The following ELMO1 variants were observed in gnomAD, a reference collection of about 807,000 sequenced individuals.
ELMO1 encodes the protein engulfment and cell motility protein 1.
A neutral mutation model predicts 98.9 loss-of-function variants in ELMO1; 26 were observed. The ratio of observed to expected loss-of-function variants is 0.26; its 90% CI spans 0.19 to 0.36. ELMO1 has a LOEUF of 0.36. Among genes scored for constraint, ELMO1 ranks in the 10% least tolerant of loss-of-function variants. The probability of loss-of-function intolerance (pLI) is 1.00; values close to 1 mark genes in which losing one functional copy is unlikely to be tolerated. For synonymous variants in ELMO1, 346 were observed against 346.0 expected, an observed-to-expected ratio of 1.00 and a Z score of 0.00; for missense variants, 627 against 935.2, an observed-to-expected ratio of 0.67 and a Z score of 4.30.
At chr7:37,192,921 T>C (rs1791698440) in intron 13 of ELMO1, among the ~76,000 whole-genome samples, 1 of 131,660 alleles carries the variant, frequency 7.6e-6, no homozygotes, top group African/African-American at 3.0e-5. Context: ...TTTTATATAT[T>C]ATATATAATT....
intron 1 of ELMO1, among the ~76,000 whole-genome samples, chr7:37,366,295 T>C (rs572596560): frequency 6.6e-6 from 1 of 152,220 alleles, no homozygotes; most frequent in Non-Finnish European, 1.5e-5. Context: ...ATAAAAATTA[T>C]TATTAATAAT....
intron 2 of ELMO1, among the ~76,000 whole-genome samples, chr7:37,328,162 C>T (rs1799915602): frequency 6.6e-6 from 1 of 152,084 alleles, no homozygotes; most frequent in South Asian, 2.1e-4. Context: ...GTGCGCAGAT[C>T]ACTTGAGCTC....
chr7:36,975,690 T>C (rs925222601), intron 16 of ELMO1, among the ~76,000 whole-genome samples: 8 of 150,912 alleles, frequency 5.3e-5, no homozygotes, highest in African/African-American at 1.2e-4. Context: ...CTACTAAAAA[T>C]AGAAAAATTA....
At chr7:37,150,435 T>C (rs1289825739) in intron 13 of ELMO1, among the ~76,000 whole-genome samples, 2 of 87,236 alleles carry the variant, frequency 2.3e-5, no homozygotes, top group East Asian at 3.0e-4. Context: ...ACTTAACTAC[T>C]ACACTAAAAA....
At chr7:37,166,404 T>C (rs2129685922) in intron 13 of ELMO1, among the ~76,000 whole-genome samples, 1 of 152,254 alleles carries the variant, frequency 6.6e-6, no homozygotes, top group Middle Eastern at 3.4e-3. Context: ...TGCTCTTGCT[T>C]TTCTAGTTCT....
chr7:37,320,560 G>A (rs10224358), intron 2 of ELMO1, among the ~76,000 whole-genome samples: 4,205 of 152,180 alleles, frequency 0.028, 84 homozygotes, highest in Non-Finnish European at 0.042. Context: ...CTAATCAGAT[G>A]CCCCCTTATC....
At chr7:37,310,662 C>T (rs530191655) in intron 4 of ELMO1, among the ~76,000 whole-genome samples, 1 of 152,328 alleles carries the variant, frequency 6.6e-6, no homozygotes, top group South Asian at 2.1e-4. Flanking sequence ...ATTAGGATCA[C>T]TGGCTTGATG....
At chr7:37,232,870 C>A (rs914317712) in intron 8 of ELMO1, among the ~76,000 whole-genome samples, 9 of 152,190 alleles carry the variant, frequency 5.9e-5, no homozygotes, top group African/African-American at 2.2e-4. Flanking sequence ...CTTATCTGGT[C>A]TGAGCTATGG....
chr7:36,876,061 G>A (rs1442960594), intron 19 of ELMO1, among the ~76,000 whole-genome samples: 1 of 152,042 alleles, frequency 6.6e-6, no homozygotes, highest in Non-Finnish European at 1.5e-5. Context: ...TGGGGCTGTG[G>A]GGGACCTCCT....
intron 7 of ELMO1, among the ~76,000 whole-genome samples, chr7:37,241,989 T>C (rs1794788289): frequency 6.6e-6 from 1 of 152,320 alleles, no homozygotes; most frequent in African/African-American, 2.4e-5. Flanking sequence ...ATCTATCTAC[T>C]ATCATGTCTC....
At chr7:37,339,387 C>A (rs1800597066) in intron 2 of ELMO1, among the ~76,000 whole-genome samples, 1 of 152,230 alleles carries the variant, frequency 6.6e-6, no homozygotes, top group South Asian at 2.1e-4. Flanking sequence ...AGTGGAGGGG[C>A]ACCCAAAATT....
intron 4 of ELMO1, among the ~76,000 whole-genome samples, chr7:37,294,150 A>T (rs1351140556): frequency 6.6e-6 from 1 of 152,218 alleles, no homozygotes; most frequent in Non-Finnish European, 1.5e-5. Context: ...TCACACTGCA[A>T]GAAGATCTTG....
At chr7:37,078,186 T>G (rs898961697) in intron 15 of ELMO1, among the ~76,000 whole-genome samples, 2 of 152,160 alleles carry the variant, frequency 1.3e-5, no homozygotes, top group African/African-American at 4.8e-5. Flanking sequence ...CACGATTATA[T>G]TCATCTTTAT....
chr7:37,321,290 A>G (rs1799475986), intron 2 of ELMO1, among the ~76,000 whole-genome samples: 2 of 152,102 alleles, frequency 1.3e-5, no homozygotes, highest in South Asian at 4.1e-4. Context: ...TTTAGTTAAC[A>G]TTTGCCCAAA....
intron 1 of ELMO1, among the ~76,000 whole-genome samples, chr7:37,357,687 C>A (rs1160967066): frequency 6.6e-6 from 1 of 152,170 alleles, no homozygotes; most frequent in African/African-American, 2.4e-5. Flanking sequence ...GAGGCTCTGC[C>A]AAAACTCCCT....
chr7:37,125,658 A>G (rs1786456494), intron 14 of ELMO1, among the ~76,000 whole-genome samples: 1 of 152,212 alleles, frequency 6.6e-6, no homozygotes, highest in Non-Finnish European at 1.5e-5. Flanking sequence ...CAAGTGCTGG[A>G]GAGGATGTGG....
chr7:37,228,979 G>A lies in ELMO1; in HGVS notation c.550-3949C>T, dbSNP rs147264671. 5.4e-3 allele frequency among the ~76,000 whole-genome samples: 816 copies of A among 152,212 alleles called. 6 individuals carry two copies. The highest frequency in any genetic ancestry group is 9.2e-3 in the Non-Finnish European group (624 of 67,998). On this transcript the variant is annotated intron_variant, in intron 8 of 21. Coordinates refer to ENST00000310758, the MANE Select transcript of ELMO1 (RefSeq NM_014800.11). ...TGCACTCCAGCCTGGGTGACGGAGC[G>A]AGACTCTGTCTCAAAAACAAAACAA... is the stretch of plus-strand genomic sequence containing the variant.
At chr7:36,864,206 A>C (rs1040130012) in intron 20 of ELMO1, among the ~76,000 whole-genome samples, 1 of 152,220 alleles carries the variant, frequency 6.6e-6, no homozygotes, top group Non-Finnish European at 1.5e-5. Flanking sequence ...AGGGTGCTGA[A>C]GTCACTTGAG....
intron 19 of ELMO1, among the ~76,000 whole-genome samples, chr7:36,873,609 T>C (rs532249092): frequency 6.6e-6 from 1 of 152,314 alleles, no homozygotes; most frequent in Admixed American, 6.5e-5. Flanking sequence ...GCTAGGTTAG[T>C]AGGTGAAAAG....
Sources: allele counts gnomAD v4.1 joint callset (sites outside exome capture counted in the v4.1 genomes callset), GRCh38; gene constraint gnomAD v4.1.1; transcripts MANE v1.5; gene names NCBI Gene and HGNC (gene_info 2026-07-23, HGNC 2026-07-21).